Variants in FAM117B observed in about 807,000 individuals in gnomAD.
FAM117B encodes protein FAM117B.
In FAM117B, 22 loss-of-function variants were observed where a neutral mutation model predicts 52.8. That is an observed-to-expected ratio of 0.42 (90% CI 0.30 to 0.59). The LOEUF is 0.59. FAM117B is among the 20% of genes least tolerant of loss of function. The pLI, the probability that FAM117B is intolerant of heterozygous loss-of-function variation, is 0.22. For missense variants in FAM117B, 678 were observed against 802.6 expected (o/e 0.84, Z 1.88); for synonymous variants, 309 against 324.1 (o/e 0.95, Z 0.50).
chr2:202,668,527 C>CAAA lies in FAM117B; in HGVS notation c.602-27337_602-27335dup, dbSNP rs373784165. On this transcript the variant is annotated intron_variant, in intron 1 of 7. Coordinates refer to ENST00000392238, the MANE Select transcript of FAM117B (RefSeq NM_173511.4). ...TGTGTGACAGAGCGAGACTCTCTCT[C>CAAA]AAAAAAAAAAAAAAAAAAAGAAAAA... Among the ~76,000 whole-genome samples, 134 of 71,634 alleles carry CAAA rather than the reference C, an allele frequency of 1.9e-3. 3 individuals are homozygous for CAAA. The highest frequency in any genetic ancestry group is 6.3e-3 in the African/African-American group (126 of 20,088). 47.0% of individuals were successfully genotyped at this position (71,634 alleles called of 152,430 possible). A position where few individuals can be genotyped will look rare whatever the true frequency, so the allele number is the denominator to read the frequency against.
At chr2:202,662,119 G>GGTGTGT (rs35842700) in intron 1 of FAM117B, among the ~76,000 whole-genome samples, 2 of 149,686 alleles carry the variant, frequency 1.3e-5, no homozygotes, top group East Asian at 2.0e-4. Flanking sequence ...ATGTGAGGTA[G>GGTGTGT]GTGTGTGTGT....
chr2:202,720,732 C>T (rs1691139842), intron 2 of FAM117B, among the ~76,000 whole-genome samples: 1 of 151,904 alleles, frequency 6.6e-6, no homozygotes, highest in African/African-American at 2.4e-5. Context: ...AGGTCATTCT[C>T]GCACTTTTTT....
chr2:202,716,432 C>G (rs1379789741), intron 2 of FAM117B, among the ~76,000 whole-genome samples: 1 of 151,854 alleles, frequency 6.6e-6, no homozygotes, highest in Non-Finnish European at 1.5e-5. Flanking sequence ...TATTTGTTTT[C>G]TGGTTGTTTT....
At chr2:202,685,119 A>G (rs1690520131) in intron 1 of FAM117B, among the ~76,000 whole-genome samples, 1 of 151,822 alleles carries the variant, frequency 6.6e-6, no homozygotes, top group Non-Finnish European at 1.5e-5. Flanking sequence ...AGTAGCTGGG[A>G]TTACAGGTGC....
intron 4 of FAM117B, among the ~76,000 whole-genome samples, chr2:202,729,075 C>T (rs1461845133): frequency 1.7e-4 from 26 of 152,190 alleles, no homozygotes; most frequent in Admixed American, 1.7e-3. Context: ...CGGTGGCTCA[C>T]GCCTGTAATC....
At chr2:202,659,455 G>A (rs544212204) in intron 1 of FAM117B, among the ~76,000 whole-genome samples, 80 of 151,744 alleles carry the variant, frequency 5.3e-4, no homozygotes, top group Admixed American at 1.4e-3. Flanking sequence ...CATTATGGGC[G>A]CACATAATCC....
intron 1 of FAM117B, among the ~76,000 whole-genome samples, chr2:202,644,050 G>A (rs1480570853): frequency 8.9e-6 from 1 of 112,934 alleles, no homozygotes; most frequent in Non-Finnish European, 1.7e-5. Context: ...TGCTTTAGGA[G>A]CTGTTTTTTT....
rs1271959410 is a variant in FAM117B, at chr2:202,748,016, C to T, written c.961-7522C>T. ...AGTCCCCAAATAGAGCCATACAAAG[C>T]AAAAAGAACAAAGCTAGAGGCATCA... On this transcript the variant is annotated intron_variant, in intron 4 of 7. Transcript: ENST00000392238. Among the ~76,000 whole-genome samples, 5 of 152,060 alleles carry T rather than the reference C, an allele frequency of 3.3e-5. No individual in the cohort carries two copies. In the East Asian group the frequency reaches 9.7e-4, roughly 29 times the overall value.
intron 2 of FAM117B, among the ~76,000 whole-genome samples, chr2:202,720,502 A>G (rs1199183215): frequency 6.6e-6 from 1 of 151,912 alleles, no homozygotes; most frequent in Admixed American, 6.6e-5. Context: ...TCTCCTAAGA[A>G]TATTTTCTAT....
chr2:202,724,051 C>CTTTTTTTTTTTTTTTTTTTTTTTTTT, intron 2 of FAM117B, among the ~76,000 whole-genome samples: 1 of 89,794 alleles, frequency 1.1e-5, no homozygotes, highest in Non-Finnish European at 1.9e-5. Context: ...TAAGGTTTAA[C>CTTTTTTTTTTTTTTTTTTTTTTTTTT]TTTTTTTTTT....
Position 202,724,994 on chromosome 2 carries a change from A to G in FAM117B, c.831A>G (p.Thr277=). Residue 277 remains threonine (T), a synonymous_variant, in exon 3 of 8, where the codon ACA becomes ACG. Coordinates refer to ENST00000392238, the MANE Select transcript of FAM117B (RefSeq NM_173511.4). ...SHKRSASWGS[T]DQLKEIAKLR... is the part of the protein sequence containing the mutation. ...AGCGCTCAGCATCTTGGGGCAGTAC[A>G]GATCAACTTAAGGAGGTCAGAAAAA... is the stretch of plus-strand genomic sequence containing the variant. 6.2e-7 allele frequency: 1 copy of G among 1,611,156 alleles called. No individual in the cohort carries two copies. Among genetic ancestry groups the G allele is most frequent in the Non-Finnish European group, 8.5e-7 (1 of 1,178,262 alleles).
Position 202,726,316 on chromosome 2 carries a change from A to C in FAM117B, c.913A>C (p.Arg305=). The C allele has an allele frequency of 6.2e-7, 1 of 1,613,988 alleles. No individual in the cohort carries two copies. Among genetic ancestry groups the C allele is most frequent in the South Asian group, 1.1e-5 (1 of 91,068 alleles). ...HSSRHHRDKE[R]QSPFHGNHAA... is the part of the protein sequence containing the mutation. The stretch of plus-strand genomic sequence containing the variant: ...CAGTCGGCATCATCGAGATAAAGAA[A>C]GACAGTCTCCATTTCATGGCAACCA... The change falls in exon 4 of 8, where the codon AGA becomes CGA. Residue 305 remains arginine, a synonymous_variant. Transcript: ENST00000392238.
At chr2:202,743,448 A>C (rs1342415914) in intron 4 of FAM117B, among the ~76,000 whole-genome samples, 1 of 152,188 alleles carries the variant, frequency 6.6e-6, no homozygotes, top group Non-Finnish European at 1.5e-5. Flanking sequence ...GTTATACTAA[A>C]TGTACAAGTA....
At chr2:202,650,303 G>A (rs923165053) in intron 1 of FAM117B, among the ~76,000 whole-genome samples, 1 of 152,102 alleles carries the variant, frequency 6.6e-6, no homozygotes, top group East Asian at 1.9e-4. Context: ...ACCTACTTGG[G>A]TGGTCGGGTT....
chr2:202,754,079 G>A (rs1461013791), intron 4 of FAM117B, among the ~76,000 whole-genome samples: 3 of 152,100 alleles, frequency 2.0e-5, no homozygotes, highest in African/African-American at 7.2e-5. Context: ...ATGCACATAT[G>A]TGTTTATTGC....
chr2:202,755,508 A>G (rs1418193996), intron 4 of FAM117B, 30 bp from the exon 5 acceptor site: 1 of 1,608,980 alleles, frequency 6.2e-7, no homozygotes, highest in Non-Finnish European at 8.5e-7. Flanking sequence ...GGTAATGTTA[A>G]GCCTCTCTTC....
chr2:202,705,165 G>A lies in FAM117B; in HGVS notation c.753+9133G>A, dbSNP rs141073301. The stretch of plus-strand genomic sequence containing the variant: ...CTACTAAAAATACAAAATTAGCCGA[G>A]TGTGGTGGCGCATGCCTGTAATCCC... On this transcript the variant is annotated intron_variant, in intron 2 of 7. Coordinates refer to ENST00000392238, the MANE Select transcript of FAM117B (RefSeq NM_173511.4). Among the ~76,000 whole-genome samples, 1,285 of 152,138 alleles carry A rather than the reference G, an allele frequency of 8.4e-3. 23 individuals are homozygous for A. Among genetic ancestry groups the A allele is most frequent in the African/African-American group, 0.029 (1,214 of 41,538 alleles).
intron 1 of FAM117B, among the ~76,000 whole-genome samples, chr2:202,640,606 A>G (rs1689756490): frequency 6.6e-6 from 1 of 151,134 alleles, no homozygotes; most frequent in South Asian, 2.1e-4. Flanking sequence ...AACATTACAC[A>G]TTCAAGGGAA....
At chr2:202,750,699 A>T (rs949788907) in intron 4 of FAM117B, among the ~76,000 whole-genome samples, 1 of 152,230 alleles carries the variant, frequency 6.6e-6, no homozygotes, top group Admixed American at 6.5e-5. Flanking sequence ...AAAGAGATTA[A>T]TAAGACATAG....
Sources: gnomAD v4.1 joint callset for allele counts (sites outside exome capture counted in the v4.1 genomes callset) on GRCh38, gnomAD v4.1.1 for gene constraint, MANE v1.5 for transcripts, NCBI Gene and HGNC (gene_info 2026-07-23, HGNC 2026-07-21) for gene names.